The following GAB1 variants were observed in gnomAD, a reference collection of about 807,000 sequenced individuals.
GAB1 encodes GRB2 associated binding protein 1, also known as GRB2-associated-binding protein 1.
In GAB1, 19 loss-of-function variants were observed where a neutral mutation model predicts 66.5. The ratio of observed to expected loss-of-function variants is 0.29; its 90% CI spans 0.20 to 0.42. The LOEUF (loss-of-function observed/expected upper bound fraction) is 0.42, where lower values mean the gene tolerates loss of function less well. GAB1 is among the 10% of genes least tolerant of loss of function. GAB1 has a pLI of 1.00. For synonymous variants in GAB1, 294 were observed against 301.4 expected, an observed-to-expected ratio of 0.98 and a Z score of 0.25; for missense variants, 732 against 858.5, an observed-to-expected ratio of 0.85 and a Z score of 1.84.
At chr4:143,433,807 G>T (rs1315940403) in intron 3 of GAB1, 91 bp downstream of exon 3, 2 of 1,049,592 alleles carry the variant, frequency 1.9e-6, no homozygotes, top group Middle Eastern at 2.0e-4. Flanking sequence ...TTTAAATTTC[G>T]ATTTGCAGGC....
intron 8 of GAB1, 110 bp from the exon 9 acceptor site, chr4:143,465,993 A>C: frequency 8.5e-7 from 1 of 1,179,946 alleles, no homozygotes; most frequent in Admixed American, 2.4e-5. Context: ...TTAACTTTTT[A>C]AGCTATGTCC....
At chr4:143,453,294 T>G (rs1394819033) in intron 6 of GAB1, among the ~76,000 whole-genome samples, 1 of 152,122 alleles carries the variant, frequency 6.6e-6, no homozygotes, top group Non-Finnish European at 1.5e-5. Flanking sequence ...TTTAAAAATT[T>G]CAATATGATT....
chr4:143,369,307 C>A (rs955556721), intron 1 of GAB1, among the ~76,000 whole-genome samples: 1 of 151,988 alleles, frequency 6.6e-6, no homozygotes. Flanking sequence ...AAACTCCTGA[C>A]CTCAAGTGAT....
chr4:143,437,819 T>C (rs1734011676), intron 3 of GAB1, among the ~76,000 whole-genome samples, 180 bp from the exon 4 acceptor site: 1 of 152,162 alleles, frequency 6.6e-6, no homozygotes, highest in Admixed American at 6.5e-5. Context: ...GGTGGCGGTT[T>C]TGTTGTCTGA....
At chr4:143,369,326 C>G (rs905177962) in intron 1 of GAB1, among the ~76,000 whole-genome samples, 22 of 152,286 alleles carry the variant, frequency 1.4e-4, no homozygotes, top group Non-Finnish European at 2.4e-4. Flanking sequence ...ATCTGCCTGC[C>G]TCAGCCTCCC....
intron 1 of GAB1, among the ~76,000 whole-genome samples, chr4:143,378,784 T>C (rs1453081677): frequency 6.6e-6 from 1 of 152,056 alleles, no homozygotes; most frequent in Non-Finnish European, 1.5e-5. Flanking sequence ...AGCCCTGGCC[T>C]CTCTCTGACC....
chr4:143,430,118 C>T (rs551916746), intron 2 of GAB1, among the ~76,000 whole-genome samples: 2 of 152,260 alleles, frequency 1.3e-5, no homozygotes, highest in African/African-American at 2.4e-5. Flanking sequence ...ATTCCAATGT[C>T]ACAATCTCCC....
chr4:143,449,848 T>G (rs972689426), intron 6 of GAB1, among the ~76,000 whole-genome samples: 2 of 152,142 alleles, frequency 1.3e-5, no homozygotes, highest in Admixed American at 6.5e-5. Context: ...GTTAGCTGGT[T>G]ATTTTGCTCA....
intron 1 of GAB1, among the ~76,000 whole-genome samples, chr4:143,357,423 T>C (rs1053988469): frequency 2.6e-5 from 4 of 152,200 alleles, no homozygotes; most frequent in Non-Finnish European, 4.4e-5. Context: ...TTATCAGATA[T>C]TTTAATATAC....
At chr4:143,461,859 C>CTTTT (rs1735510228) in intron 8 of GAB1, among the ~76,000 whole-genome samples, 2 of 152,286 alleles carry the variant, frequency 1.3e-5, no homozygotes, top group African/African-American at 4.8e-5. Flanking sequence ...CCTTAATAGA[C>CTTTT]TTTAGGCAGA....
chr4:143,378,897 C>G (rs1258642485), intron 1 of GAB1, among the ~76,000 whole-genome samples: 1 of 152,106 alleles, frequency 6.6e-6, no homozygotes, highest in Admixed American at 6.5e-5. Context: ...AAGGTCTCAC[C>G]AGAGACCAAA....
chr4:143,435,696 C>T (rs1170101884), intron 3 of GAB1, among the ~76,000 whole-genome samples: 2 of 152,164 alleles, frequency 1.3e-5, no homozygotes, highest in Non-Finnish European at 2.9e-5. Context: ...AAGATATAGT[C>T]TACTCAGATA....
chr4:143,361,072 G>T (rs572074006), intron 1 of GAB1, among the ~76,000 whole-genome samples: 1 of 151,968 alleles, frequency 6.6e-6, no homozygotes, highest in Admixed American at 6.6e-5. Flanking sequence ...CACTGTTTCT[G>T]TTGGCATAGT....
Position 143,460,507 on chromosome 4 carries a change from T to C in GAB1, c.1803+20T>C. 1 of 1,612,136 alleles carries C rather than the reference T, an allele frequency of 6.2e-7. No homozygotes were observed. The highest frequency in any genetic ancestry group is 8.5e-7 in the Non-Finnish European group (1 of 1,178,922). ...GACCCAGTATGTAAAGTTTTAACTT[T>C]TCCCTTTCTGAGCAGCCCTTTTCAG... is the stretch of plus-strand genomic sequence containing the variant. On this transcript the variant is annotated intron_variant, in intron 8 of 9. Transcript: ENST00000262994.
intron 1 of GAB1, among the ~76,000 whole-genome samples, chr4:143,409,179 A>G (rs2149709729): frequency 6.6e-6 from 1 of 152,288 alleles, no homozygotes; most frequent in South Asian, 2.1e-4. Flanking sequence ...ACAGGTCTTG[A>G]GCTAGGTCTT....
At chr4:143,458,217 G>C (rs1397809567) in intron 6 of GAB1, among the ~76,000 whole-genome samples, 2 of 152,054 alleles carry the variant, frequency 1.3e-5, no homozygotes, top group African/African-American at 2.4e-5. Context: ...AACATTAACA[G>C]TTAAAGAAAT....
At chr4:143,365,008 G>T (rs1197099652) in intron 1 of GAB1, among the ~76,000 whole-genome samples, 1 of 151,062 alleles carries the variant, frequency 6.6e-6, no homozygotes, top group African/African-American at 2.4e-5. Context: ...CTCCCGAGTA[G>T]CTGGGACTAC....
intron 1 of GAB1, among the ~76,000 whole-genome samples, chr4:143,403,389 T>C (rs1056158777): frequency 6.6e-6 from 1 of 152,186 alleles, no homozygotes; most frequent in African/African-American, 2.4e-5. Context: ...TTATGAGGCT[T>C]GGGTAGTGTA....
At chr4:143,413,037 G>A (rs889818492) in intron 1 of GAB1, among the ~76,000 whole-genome samples, 16 of 152,148 alleles carry the variant, frequency 1.1e-4, no homozygotes, top group Non-Finnish European at 2.4e-4. Context: ...AATGGATTAT[G>A]TTTGGTGAAG....
Sources: allele counts gnomAD v4.1 joint callset (sites outside exome capture counted in the v4.1 genomes callset), GRCh38; gene constraint gnomAD v4.1.1; transcripts MANE v1.5; gene names NCBI Gene and HGNC (gene_info 2026-07-23, HGNC 2026-07-21).